TSHZ3: variants seen among roughly 807,000 people sequenced by gnomAD.
The protein encoded by TSHZ3 is teashirt homolog 3.
TSHZ3 carries 10 observed loss-of-function variants against 64.5 expected under a neutral mutation model. The ratio of observed to expected loss-of-function variants is 0.16; its 90% confidence interval spans 0.10 to 0.26. The LOEUF is 0.26. Among genes scored for constraint, TSHZ3 ranks in the 10% least tolerant of loss-of-function variants. TSHZ3 has a pLI of 1.00. For synonymous variants in TSHZ3, 608 were observed against 593.1 expected (o/e 1.03, Z -0.36); for missense variants, 1,242 against 1,421.7 (o/e 0.87, Z 2.03).
At chr19:31,330,871 A>G (rs1917069408) in intron 1 of TSHZ3, among the ~76,000 whole-genome samples, 1 of 152,110 alleles carries the variant, frequency 6.6e-6, no homozygotes, top group Non-Finnish European at 1.5e-5. Context: ...CCCAGGGCAC[A>G]GGAATCAGCA....
At chr19:31,314,595 G>A (rs984040621) in intron 1 of TSHZ3, among the ~76,000 whole-genome samples, 2 of 152,212 alleles carry the variant, frequency 1.3e-5, no homozygotes, top group African/African-American at 4.8e-5. Context: ...ATTGTGAATT[G>A]TTCCGAGTGC....
intron 1 of TSHZ3, among the ~76,000 whole-genome samples, chr19:31,327,069 T>C (rs960934662): frequency 6.6e-6 from 1 of 152,092 alleles, no homozygotes; most frequent in Non-Finnish European, 1.5e-5. Flanking sequence ...GCAGCAGCTT[T>C]CTGTTTCATT....
chr19:31,270,341 T>A (rs974242823), downstream of TSHZ3, among the ~76,000 whole-genome samples: 6 of 152,250 alleles, frequency 3.9e-5, no homozygotes, highest in African/African-American at 1.4e-4. Flanking sequence ...CAATGTCCAG[T>A]GGAAATTTGT....
chr19:31,267,011 C>T (rs975381174), intron 1 of TSHZ3, among the ~76,000 whole-genome samples: 1 of 152,196 alleles, frequency 6.6e-6, no homozygotes, highest in Non-Finnish European at 1.5e-5. Context: ...AGGGTTTGAG[C>T]CTTGCAATTT....
intron 4 of TSHZ3, among the ~76,000 whole-genome samples, chr19:31,206,486 T>A (rs1975179505): frequency 6.6e-6 from 1 of 152,138 alleles, no homozygotes; most frequent in South Asian, 2.1e-4. Flanking sequence ...GAAAGGAAAG[T>A]CCTTGGAAAC....
At chr19:31,314,899 T>C (rs1332919804) in intron 1 of TSHZ3, among the ~76,000 whole-genome samples, 3 of 152,230 alleles carry the variant, frequency 2.0e-5, no homozygotes, top group Non-Finnish European at 4.4e-5. Context: ...CCTGAGACAC[T>C]GGAGGTGCTT....
chr19:31,340,956 C>T (rs554759255), intron 1 of TSHZ3, among the ~76,000 whole-genome samples: 3 of 152,380 alleles, frequency 2.0e-5, no homozygotes, highest in African/African-American at 7.2e-5. Flanking sequence ...CACTGTAACA[C>T]ACCTTTTTCT....
At chr19:31,223,647 CAA>C (rs1975419677) in intron 4 of TSHZ3, among the ~76,000 whole-genome samples, 1 of 152,106 alleles carries the variant, frequency 6.6e-6, no homozygotes, top group African/African-American at 2.4e-5. Flanking sequence ...TATTGTCAAA[CAA>C]AGTTTATAAG....
chr19:31,314,409 G>A (rs1054749998), intron 1 of TSHZ3, among the ~76,000 whole-genome samples: 6 of 152,082 alleles, frequency 3.9e-5, no homozygotes, highest in African/African-American at 1.2e-4. Flanking sequence ...TGCACGGTGG[G>A]GCTCTGCCTG....
Position 31,292,867 on chromosome 19 carries a change from C to A in TSHZ3, c.41-13115G>T, listed in dbSNP as rs771646973. 7.8e-4 allele frequency among the ~76,000 whole-genome samples: 117 copies of A among 150,146 alleles called. 2 individuals are homozygous for A. The Middle Eastern group carries it at 0.015, about 19-fold the overall frequency. On this transcript the variant is annotated intron_variant, in intron 1 of 1. Transcript: ENST00000240587. The stretch of plus-strand genomic sequence containing the variant: ...CATCTGTTCATCTCATTCTTCTAGC[C>A]ATCCCAAACCCATCCATTCAAAAAC...
At chr19:31,190,955 T>C (rs1027823874) in intron 5 of TSHZ3, among the ~76,000 whole-genome samples, 1 of 152,168 alleles carries the variant, frequency 6.6e-6, no homozygotes, top group East Asian at 1.9e-4. Flanking sequence ...TATTGAACAA[T>C]GTGGTAGAAG....
intron 1 of TSHZ3, among the ~76,000 whole-genome samples, chr19:31,265,253 C>T (rs1171300340): frequency 2.0e-5 from 3 of 151,490 alleles, no homozygotes; most frequent in Non-Finnish European, 4.4e-5. Flanking sequence ...GAAAATTAGC[C>T]GGGCATGGTG....
chr19:31,334,646 A>G (rs556383184), intron 1 of TSHZ3, among the ~76,000 whole-genome samples: 12 of 152,278 alleles, frequency 7.9e-5, no homozygotes, highest in African/African-American at 2.9e-4. Context: ...ACCTTGTCTC[A>G]TGGAACTCCA....
chr19:31,350,345 G>A (rs1050687396), upstream of TSHZ3, among the ~76,000 whole-genome samples: 3 of 151,892 alleles, frequency 2.0e-5, no homozygotes, highest in South Asian at 2.1e-4. Flanking sequence ...CGTCCCGGGG[G>A]TCGGTGTGGG....
In TSHZ3 at chr19:31,176,677, C is replaced by G. The variant is rs540037691; in HGVS notation, n.810-20260G>C. ...TGGTGACACACACCTATAGTCCCAG[C>G]TCCTAGGGAGGCTGAGGTGGGAGGA... is the stretch of plus-strand genomic sequence containing the variant. On this transcript the variant is annotated intron_variant and non_coding_transcript_variant, in intron 5 of 6. Transcript: ENST00000651361. Among the ~76,000 whole-genome samples, 6 of 152,270 alleles carry G rather than the reference C, an allele frequency of 3.9e-5. No individual in the cohort carries two copies. In the South Asian group the frequency reaches 1.2e-3, roughly 32 times the overall value.
intron 1 of TSHZ3, among the ~76,000 whole-genome samples, chr19:31,285,282 C>T (rs1384016331): frequency 6.6e-6 from 1 of 152,090 alleles, no homozygotes; most frequent in Non-Finnish European, 1.5e-5. Flanking sequence ...GAATTCAAGA[C>T]CAGCCTGGGC....
chr19:31,155,676 A>G (rs977377958), intron 6 of TSHZ3, among the ~76,000 whole-genome samples: 5 of 152,182 alleles, frequency 3.3e-5, no homozygotes, highest in African/African-American at 1.2e-4. Flanking sequence ...AGGACTTTAG[A>G]TGGCTTTCAG....
At chr19:31,185,318 C>T (rs559934778) in intron 5 of TSHZ3, among the ~76,000 whole-genome samples, 2 of 152,326 alleles carry the variant, frequency 1.3e-5, no homozygotes, top group South Asian at 2.1e-4. Context: ...ACTTCTCCCT[C>T]GCTTCCTCAC....
intron 5 of TSHZ3, among the ~76,000 whole-genome samples, chr19:31,165,821 C>T (rs1419311636): frequency 6.6e-6 from 1 of 152,150 alleles, no homozygotes; most frequent in Admixed American, 6.5e-5. Context: ...AGACAATATA[C>T]TTTTTATTTG....
Sources: gnomAD v4.1 joint callset for allele counts (sites outside exome capture counted in the v4.1 genomes callset) on GRCh38, gnomAD v4.1.1 for gene constraint, MANE v1.5 for transcripts, NCBI Gene and HGNC (gene_info 2026-07-23, HGNC 2026-07-21) for gene names.